The following ARHGAP15 variants were observed in gnomAD, a reference collection of about 807,000 sequenced individuals.
ARHGAP15 encodes the protein rho GTPase-activating protein 15.
ARHGAP15 carries 51 observed loss-of-function variants against 63.7 expected under a neutral mutation model. The ratio of observed to expected loss-of-function variants is 0.80; its 90% CI spans 0.64 to 1.01. The LOEUF (loss-of-function observed/expected upper bound fraction) is 1.01, where lower values mean the gene tolerates loss of function less well. Among genes scored for constraint, ARHGAP15 ranks in the 50% least tolerant of loss-of-function variants. The pLI, the probability that ARHGAP15 is intolerant of heterozygous loss-of-function variation, is 0.00. For missense variants in ARHGAP15, 560 were observed against 564.6 expected, an observed-to-expected ratio of 0.99 and a Z score of 0.08; for synonymous variants, 191 against 193.8, an observed-to-expected ratio of 0.99 and a Z score of 0.12.
chr2:143,691,015 A>G (rs1337567813), intron 12 of ARHGAP15, among the ~76,000 whole-genome samples: 1 of 152,216 alleles, frequency 6.6e-6, no homozygotes, highest in Non-Finnish European at 1.5e-5. Context: ...TTATAGCAAG[A>G]AATGTTGAGG....
At chr2:143,526,676 G>A (rs970836154) in intron 10 of ARHGAP15, among the ~76,000 whole-genome samples, 1 of 152,098 alleles carries the variant, frequency 6.6e-6, no homozygotes, top group Non-Finnish European at 1.5e-5. Flanking sequence ...AAGTTAGCAG[G>A]ATGTTTTAGC....
chr2:143,637,146 G>A (rs959940138), intron 12 of ARHGAP15, among the ~76,000 whole-genome samples: 1 of 152,062 alleles, frequency 6.6e-6, no homozygotes, highest in African/African-American at 2.4e-5. Flanking sequence ...CACATTGAGG[G>A]TTAGGGCTTC....
At chr2:143,732,655 C>CA (rs1248364159) in intron 13 of ARHGAP15, among the ~76,000 whole-genome samples, 1 of 150,956 alleles carries the variant, frequency 6.6e-6, no homozygotes, top group African/African-American at 2.4e-5. Flanking sequence ...TACAGGTTGT[C>CA]AGTATTAAAA....
intron 10 of ARHGAP15, among the ~76,000 whole-genome samples, chr2:143,520,442 G>A (rs1694011745): frequency 6.6e-6 from 1 of 152,120 alleles, no homozygotes; most frequent in Admixed American, 6.6e-5. Context: ...ATAACAAGAA[G>A]GGGAAGAGTG....
chr2:143,179,709 G>A (rs1298793983), intron 2 of ARHGAP15, among the ~76,000 whole-genome samples: 1 of 152,110 alleles, frequency 6.6e-6, no homozygotes, highest in Non-Finnish European at 1.5e-5. Flanking sequence ...CCCATGCAGT[G>A]AGACCCTGTC....
At chr2:143,566,464 C>T (rs1174319349) in intron 11 of ARHGAP15, among the ~76,000 whole-genome samples, 1 of 152,114 alleles carries the variant, frequency 6.6e-6, no homozygotes, top group African/African-American at 2.4e-5. Flanking sequence ...CACATGGAGC[C>T]TCCATGTGCA....
At chr2:143,452,424 C>T (rs769190901) in intron 8 of ARHGAP15, among the ~76,000 whole-genome samples, 7 of 151,772 alleles carry the variant, frequency 4.6e-5, no homozygotes, top group African/African-American at 7.3e-5. Flanking sequence ...CCCTCCAACC[C>T]GAAACATTAA....
rs1302053990 is a variant in ARHGAP15 at position 143,703,544 on chromosome 2, G to C, written c.1244+20G>C. 1 of 1,562,152 alleles carries C rather than the reference G, an allele frequency of 6.4e-7. No individual in the cohort carries two copies. ...AACTAAGTAAGTTGTAAGGATTTCT[G>C]GATGTGTCATTTTATAGTCATTTCC... On this transcript the variant is annotated intron_variant, in intron 13 of 13. Coordinates refer to ENST00000295095, the MANE Select transcript of ARHGAP15 (RefSeq NM_018460.4).
intron 11 of ARHGAP15, among the ~76,000 whole-genome samples, chr2:143,588,449 T>C (rs1249310421): frequency 6.6e-6 from 1 of 152,126 alleles, no homozygotes; most frequent in African/African-American, 2.4e-5. Context: ...GGTGGTTTGC[T>C]GCATTTAATG....
At chr2:143,336,064 G>A (rs949485337) in intron 6 of ARHGAP15, among the ~76,000 whole-genome samples, 5 of 152,062 alleles carry the variant, frequency 3.3e-5, no homozygotes, top group Admixed American at 6.6e-5. Context: ...GCAGTGGTGT[G>A]ATCAATGCTC....
At chr2:143,559,738 T>C (rs1250559506) in intron 11 of ARHGAP15, among the ~76,000 whole-genome samples, 1 of 152,168 alleles carries the variant, frequency 6.6e-6, no homozygotes, top group Non-Finnish European at 1.5e-5. Flanking sequence ...AGATTGTAAG[T>C]GTACATGTGG....
At chr2:143,134,801 A>G (rs1689069449) in intron 1 of ARHGAP15, among the ~76,000 whole-genome samples, 1 of 151,350 alleles carries the variant, frequency 6.6e-6, no homozygotes, top group African/African-American at 2.4e-5. Context: ...AGCCCAGCTA[A>G]TTTTTTTTTG....
At chr2:143,298,035 G>A (rs1682722891) in intron 6 of ARHGAP15, among the ~76,000 whole-genome samples, 1 of 151,808 alleles carries the variant, frequency 6.6e-6, no homozygotes, top group African/African-American at 2.4e-5. Flanking sequence ...AAATTATACT[G>A]CCCTGGGTTC....
At chr2:143,767,317 C>T (rs1409710879) in intron 13 of ARHGAP15, among the ~76,000 whole-genome samples, 3 of 152,116 alleles carry the variant, frequency 2.0e-5, no homozygotes, top group Non-Finnish European at 2.9e-5. Context: ...CATTGGTATT[C>T]CAGCTCTCCA....
chr2:143,320,333 G>A (rs1683948323), intron 6 of ARHGAP15, among the ~76,000 whole-genome samples: 1 of 148,932 alleles, frequency 6.7e-6, no homozygotes, highest in African/African-American at 2.5e-5. Flanking sequence ...ATGACATAAT[G>A]TCAGCCCTAA....
At chr2:143,343,496 G>T (rs1411820136) in intron 6 of ARHGAP15, among the ~76,000 whole-genome samples, 1 of 152,100 alleles carries the variant, frequency 6.6e-6, no homozygotes, top group African/African-American at 2.4e-5. Flanking sequence ...ACAGCAATGA[G>T]AAATCTTTGA....
intron 8 of ARHGAP15, among the ~76,000 whole-genome samples, chr2:143,451,049 T>C (rs1404915553): frequency 6.6e-6 from 1 of 151,936 alleles, no homozygotes; most frequent in Non-Finnish European, 1.5e-5. Context: ...CTCTAAAGAT[T>C]TGTAGTATTT....
chr2:143,342,036 T>G (rs1306056229), intron 6 of ARHGAP15, among the ~76,000 whole-genome samples: 1 of 152,134 alleles, frequency 6.6e-6, no homozygotes, highest in Admixed American at 6.6e-5. Context: ...ACAATGCCCA[T>G]GCATTAATGG....
At chr2:143,284,567 T>C (rs1682003904) in intron 6 of ARHGAP15, among the ~76,000 whole-genome samples, 1 of 152,206 alleles carries the variant, frequency 6.6e-6, no homozygotes. Flanking sequence ...ATGATAATGA[T>C]GCTAGAGCTA....
Sources: allele counts gnomAD v4.1 joint callset (sites outside exome capture counted in the v4.1 genomes callset), GRCh38; gene constraint gnomAD v4.1.1; transcripts MANE v1.5; gene names NCBI Gene and HGNC (gene_info 2026-07-23, HGNC 2026-07-21).